The following ST7L variants were observed in gnomAD, a reference collection of about 807,000 sequenced individuals.
The protein encoded by ST7L is suppressor of tumorigenicity 7 protein-like.
ST7L carries 57 observed loss-of-function variants against 72.5 expected under a neutral mutation model. The observed-to-expected ratio is 0.79, with a 90% confidence interval of 0.64 to 0.98. The LOEUF (loss-of-function observed/expected upper bound fraction) is 0.98. Ranked by LOEUF, ST7L falls within the 50% of genes least tolerant of loss-of-function variation. ST7L has a pLI of 0.00. For synonymous variants in ST7L, 221 were observed against 240.9 expected (o/e 0.92, Z 0.77); for missense variants, 576 against 672.2 (o/e 0.86, Z 1.58).
chr1:112,563,273 G>C (rs971362406), intron 11 of ST7L, among the ~76,000 whole-genome samples: 1 of 152,028 alleles, frequency 6.6e-6, no homozygotes, highest in African/African-American at 2.4e-5. Context: ...GGATAATGAA[G>C]CCATAAATCA....
chr1:112,591,079 C>T (rs1235634438), intron 6 of ST7L, among the ~76,000 whole-genome samples: 1 of 151,832 alleles, frequency 6.6e-6, no homozygotes, highest in Non-Finnish European at 1.5e-5. Context: ...TACAGGCGCT[C>T]GCCCCCATGC....
intron 11 of ST7L, among the ~76,000 whole-genome samples, chr1:112,561,531 A>T (rs1051799657): frequency 6.6e-6 from 1 of 151,696 alleles, no homozygotes; most frequent in African/African-American, 2.4e-5. Flanking sequence ...TCCAGACTGG[A>T]GTGCAATGGC....
intron 11 of ST7L, among the ~76,000 whole-genome samples, chr1:112,575,670 C>A (rs541823749): frequency 6.6e-6 from 1 of 152,114 alleles, no homozygotes; most frequent in Admixed American, 6.6e-5. Flanking sequence ...CTACTCAGAA[C>A]GGCATGCAAC....
chr1:112,605,315 C>T (rs1397978987), intron 3 of ST7L, among the ~76,000 whole-genome samples: 2 of 152,018 alleles, frequency 1.3e-5, no homozygotes, highest in Non-Finnish European at 2.9e-5. Context: ...ATCACCTGAA[C>T]CCAGGCAGCA....
chr1:112,545,792 C>T (rs1271608459), intron 13 of ST7L, among the ~76,000 whole-genome samples: 1 of 152,206 alleles, frequency 6.6e-6, no homozygotes, highest in Non-Finnish European at 1.5e-5. Flanking sequence ...CATGGTTCCA[C>T]CCTCAGTTCA....
chr1:112,550,699 G>GAA lies in ST7L; in HGVS notation c.1397-8_1397-7dup. The GAA allele has an allele frequency of 6.2e-7, 1 of 1,602,502 alleles. No individual in the cohort carries two copies. On this transcript the variant is annotated splice_region_variant and splice_polypyrimidine_tract_variant and intron_variant, in intron 12 of 14. Coordinates refer to ENST00000358039, the MANE Select transcript of ST7L (RefSeq NM_017744.5). ...GTATGGAATCATTCTAAAAGCTGAG[G>GAA]AAAAAAAAGCATGTGTTGATACTCA...
chr1:112,541,899 T>G, intron 14 of ST7L, 52 bp downstream of exon 14: 1 of 1,600,606 alleles, frequency 6.2e-7, no homozygotes, highest in Non-Finnish European at 8.5e-7. Context: ...TCAGAGATGG[T>G]TTCTTGTGTG....
chr1:112,579,312 A>G (rs1341989592), intron 9 of ST7L, among the ~76,000 whole-genome samples: 2 of 150,486 alleles, frequency 1.3e-5, no homozygotes, highest in South Asian at 2.1e-4. Context: ...TGAACCTGGA[A>G]GGCCGAGGTT....
intron 14 of ST7L, chr1:112,540,173 C>T (rs1036257944): frequency 1.0e-6 from 1 of 985,300 alleles, no homozygotes; most frequent in Admixed American, 6.1e-5. Flanking sequence ...TGGTATAGAT[C>T]TATTCCAGAT....
At chr1:112,571,389 ATGTG>A (rs1557998470) in intron 11 of ST7L, 1 of 448,828 alleles carries the variant, frequency 2.2e-6, no homozygotes, top group African/African-American at 2.0e-5. Flanking sequence ...TAAAGTGTAT[ATGTG>A]TGTATGTATA....
In ST7L at chr1:112,582,379, C is replaced by T; in HGVS notation, c.950G>A (p.Arg317Lys). ...GRIREAVKIMRDLMKEFPPLT... is the reference protein window; with the variant it reads ...GRIREAVKIMKDLMKEFPPLT... ...TCCCATCATCAATTTACTTACATCT[C>T]TCATTATTTTTACTGCTTCTCTTAT... The change falls in exon 8 of 15, where the codon AGA becomes AAA. Residue 317 changes from arginine (R) to lysine (K), a missense_variant. Physicochemically the swap from Arg to Lys is conservative, Grantham distance 26. This residue lies in a region of ST7L where 511 missense variants were observed against 600.7 expected (regional missense o/e 0.85). Coordinates refer to ENST00000358039, the MANE Select transcript of ST7L (RefSeq NM_017744.5). 1 of 1,600,512 alleles carries T rather than the reference C, an allele frequency of 6.2e-7. No homozygotes were observed. Among genetic ancestry groups the T allele is most frequent in the Non-Finnish European group, 8.5e-7 (1 of 1,169,688 alleles).
intron 6 of ST7L, among the ~76,000 whole-genome samples, chr1:112,589,030 AC>A (rs1665281420): frequency 6.6e-6 from 1 of 151,444 alleles, no homozygotes; most frequent in East Asian, 1.9e-4. Context: ...TTGCTGCTGA[AC>A]CCCTATGGTA....
chr1:112,611,588 C>A (rs1339011480), intron 2 of ST7L, among the ~76,000 whole-genome samples: 1 of 152,116 alleles, frequency 6.6e-6, no homozygotes, highest in African/African-American at 2.4e-5. Flanking sequence ...CCATATTGAA[C>A]CATTTAAAAA....
At chr1:112,563,822 T>G (rs36029940) in intron 11 of ST7L, among the ~76,000 whole-genome samples, 29,660 of 152,176 alleles carry the variant, frequency 0.19, 3,269 homozygotes, top group Middle Eastern at 0.26. Context: ...TAATTTATCT[T>G]TAGATTACTT....
intron 8 of ST7L, 85 bp downstream of exon 8, chr1:112,582,290 T>C (rs2101879948): frequency 9.7e-7 from 1 of 1,032,368 alleles, no homozygotes; most frequent in Non-Finnish European, 1.4e-6. Flanking sequence ...AATACAATGA[T>C]TCTGCATTAA....
At chr1:112,596,575 C>A (rs1666511859) in intron 5 of ST7L, among the ~76,000 whole-genome samples, 1 of 152,090 alleles carries the variant, frequency 6.6e-6, no homozygotes, top group Non-Finnish European at 1.5e-5. Context: ...TAAGCCTAGG[C>A]AAGTATTAGC....
chr1:112,587,284 C>T (rs1665007408), intron 6 of ST7L, among the ~76,000 whole-genome samples: 1 of 152,164 alleles, frequency 6.6e-6, no homozygotes, highest in African/African-American at 2.4e-5. Flanking sequence ...ATTCTTTCCT[C>T]CACTGAATGG....
chr1:112,605,088 CAAAA>C (rs35373735), intron 3 of ST7L, among the ~76,000 whole-genome samples: 1 of 61,300 alleles, frequency 1.6e-5, no homozygotes, highest in Non-Finnish European at 3.1e-5. Context: ...ACTCCGGCTC[CAAAA>C]AAAAAAAAAA....
At chr1:112,573,273 G>A (rs1254554847) in intron 11 of ST7L, among the ~76,000 whole-genome samples, 1 of 149,622 alleles carries the variant, frequency 6.7e-6, no homozygotes, top group East Asian at 2.0e-4. Context: ...ACCTGAACCC[G>A]GGAGGTGGAG....
Sources: gnomAD v4.1 joint callset for allele counts (sites outside exome capture counted in the v4.1 genomes callset) on GRCh38, gnomAD v4.1.1 for gene constraint, gnomAD v4.1.1 regional missense constraint, MANE v1.5 for transcripts, NCBI Gene and HGNC (gene_info 2026-07-23, HGNC 2026-07-21) for gene names.